The following UNC5D variants were observed in gnomAD, a reference collection of about 807,000 sequenced individuals.
UNC5D encodes netrin receptor UNC5D.
UNC5D carries 39 observed loss-of-function variants against 105.4 expected under a neutral mutation model. That is an observed-to-expected ratio of 0.37 (90% CI 0.29 to 0.48). The LOEUF is 0.48. UNC5D is among the 20% of genes least tolerant of loss of function. The pLI is 0.98. For synonymous variants in UNC5D, 452 were observed against 450.4 expected (o/e 1.00, Z -0.04); for missense variants, 991 against 1,202.4 (o/e 0.82, Z 2.60).
chr8:35,239,932 CT>C (rs1209465699), intron 1 of UNC5D, among the ~76,000 whole-genome samples: 1 of 146,880 alleles, frequency 6.8e-6, no homozygotes, highest in Non-Finnish European at 1.5e-5. Context: ...TCTCTTTTCT[CT>C]TTTCTTTTCT....
chr8:35,735,260 G>C (rs996402254), intron 11 of UNC5D, among the ~76,000 whole-genome samples: 9 of 135,106 alleles, frequency 6.7e-5, no homozygotes, highest in Middle Eastern at 5.2e-3. Context: ...CCCATGGTTG[G>C]AGAGGAGAGA....
intron 1 of UNC5D, among the ~76,000 whole-genome samples, chr8:35,267,187 T>C (rs900956884): frequency 6.6e-6 from 1 of 151,466 alleles, no homozygotes; most frequent in African/African-American, 2.4e-5. Context: ...ACTGATTGAG[T>C]AGTCATTTTG....
At chr8:35,648,834 C>A (rs1563629523) in intron 4 of UNC5D, among the ~76,000 whole-genome samples, 2 of 152,106 alleles carry the variant, frequency 1.3e-5, no homozygotes. Flanking sequence ...TGATCAATGG[C>A]ATTCATTACA....
intron 1 of UNC5D, among the ~76,000 whole-genome samples, chr8:35,355,041 C>T (rs1176244230): frequency 6.6e-6 from 1 of 152,124 alleles, no homozygotes; most frequent in African/African-American, 2.4e-5. Flanking sequence ...CTGCCAGTCT[C>T]TTTAGGACTT....
intron 1 of UNC5D, among the ~76,000 whole-genome samples, chr8:35,528,087 G>A (rs1336509193): frequency 1.5e-5 from 2 of 132,602 alleles, no homozygotes; most frequent in African/African-American, 5.8e-5. Context: ...GGGTACATGT[G>A]CACATTGTGC....
At chr8:35,504,292 A>G (rs1026118859) in intron 1 of UNC5D, among the ~76,000 whole-genome samples, 3 of 152,152 alleles carry the variant, frequency 2.0e-5, no homozygotes, top group African/African-American at 7.2e-5. Context: ...TGATCTTTGT[A>G]ATTTGAAAAA....
chr8:35,790,333 C>T (rs774896655), intron 16 of UNC5D, 26 bp from the exon 17 acceptor site: 3 of 1,607,692 alleles, frequency 1.9e-6, no homozygotes, highest in Non-Finnish European at 2.6e-6. Flanking sequence ...TCGTTTTGTT[C>T]TTTGTGTTTA....
At chr8:35,756,443 C>T (rs1249197019) in intron 13 of UNC5D, among the ~76,000 whole-genome samples, 2 of 151,382 alleles carry the variant, frequency 1.3e-5, no homozygotes, top group African/African-American at 4.9e-5. Context: ...ATATATAACT[C>T]TAGGGCAAAT....
chr8:35,726,047 T>C lies in UNC5D; in HGVS notation c.1304-105T>C. ...CTGAAGAGCTAGCTTGGATTGGAAC[T>C]GCTGGCACCTATGCAGGCTGTTGCG... On this transcript the variant is annotated intron_variant, in intron 9 of 16. Coordinates refer to ENST00000404895, the MANE Select transcript of UNC5D (RefSeq NM_080872.4). 3 of 1,447,684 alleles carry C rather than the reference T, an allele frequency of 2.1e-6. No individual in the cohort carries two copies. The South Asian group carries it at 4.2e-5, about 20-fold the overall frequency. 89.7% of individuals were successfully genotyped at this position (1,447,684 alleles called of 1,614,324 possible).
chr8:35,483,145 ATT>A (rs1244661194), intron 1 of UNC5D, among the ~76,000 whole-genome samples: 2 of 151,906 alleles, frequency 1.3e-5, no homozygotes, highest in Non-Finnish European at 2.9e-5. Context: ...TCTCACATGA[ATT>A]AGAGAGACTC....
At chr8:35,260,831 G>T (rs79283821) in intron 1 of UNC5D, among the ~76,000 whole-genome samples, 5,856 of 152,162 alleles carry the variant, frequency 0.038, 160 homozygotes, top group Non-Finnish European at 0.059. Flanking sequence ...TGTCTTTTTT[G>T]GGTATCCCAG....
chr8:35,539,914 G>A (rs952854169), intron 1 of UNC5D, among the ~76,000 whole-genome samples: 19 of 152,142 alleles, frequency 1.2e-4, no homozygotes, highest in African/African-American at 4.3e-4. Context: ...TGCTGTATTA[G>A]TGTGCAGAAC....
chr8:35,601,006 C>G (rs1819839572), intron 4 of UNC5D, among the ~76,000 whole-genome samples: 2 of 152,006 alleles, frequency 1.3e-5, no homozygotes. Flanking sequence ...CGAGTTTCAG[C>G]TTTCTACATA....
chr8:35,363,308 G>A (rs541336794), intron 1 of UNC5D, among the ~76,000 whole-genome samples: 190 of 152,172 alleles, frequency 1.2e-3, no homozygotes, highest in Non-Finnish European at 2.3e-3. Flanking sequence ...AGAATGAAGA[G>A]GACGAAAAAG....
chr8:35,549,834 G>A (rs1307376830), intron 2 of UNC5D, among the ~76,000 whole-genome samples: 1 of 152,040 alleles, frequency 6.6e-6, no homozygotes, highest in Non-Finnish European at 1.5e-5. Flanking sequence ...ATATTTTTGA[G>A]GACAAATATT....
chr8:35,726,344 C>G lies in UNC5D; in HGVS notation c.1496C>G (p.Ala499Gly). ...FMVSLGVSERAEYHGKNHSRT... is the reference protein window; with the variant it reads ...FMVSLGVSERGEYHGKNHSRT... ...GTTTCCCTGGGAGTGTCTGAGAGAGCTGAGTACCACGGCAAGAATCATTCC... is the reference window on the plus strand; with the variant it reads ...GTTTCCCTGGGAGTGTCTGAGAGAGGTGAGTACCACGGCAAGAATCATTCC... Residue 499 changes from alanine to glycine, a missense_variant, in exon 10 of 17, where the codon GCT becomes GGT. Transcript: ENST00000404895. 6.2e-7 allele frequency: 1 copy of G among 1,614,108 alleles called. No homozygotes were observed. The highest frequency in any genetic ancestry group is 1.1e-5 in the South Asian group (1 of 91,088).
intron 1 of UNC5D, among the ~76,000 whole-genome samples, chr8:35,366,367 C>T (rs1296464435): frequency 2.0e-5 from 3 of 152,028 alleles, no homozygotes; most frequent in Non-Finnish European, 1.5e-5. Context: ...GACACCTGCT[C>T]GCCCTCCACT....
Position 35,631,110 on chromosome 8 carries a change from C to T in UNC5D, c.570+35453C>T, listed in dbSNP as rs1213293220. On this transcript the variant is annotated intron_variant, in intron 4 of 16. Coordinates refer to ENST00000404895, the MANE Select transcript of UNC5D (RefSeq NM_080872.4). ...GGCAGATTGCCTGAGCTCAGGAGTTCGAGACGAGCCTGGGCAACACGGTGA... is the reference window on the plus strand; with the variant it reads ...GGCAGATTGCCTGAGCTCAGGAGTTTGAGACGAGCCTGGGCAACACGGTGA... Among the ~76,000 whole-genome samples the T allele has an allele frequency of 3.9e-5, 6 of 152,262 alleles. No individual in the cohort carries two copies. In the East Asian group the frequency reaches 5.8e-4, roughly 15 times the overall value.
chr8:35,436,312 A>G (rs1263973483), intron 1 of UNC5D, among the ~76,000 whole-genome samples: 1 of 152,106 alleles, frequency 6.6e-6, no homozygotes, highest in African/African-American at 2.4e-5. Flanking sequence ...AAGCTGTTTT[A>G]AATGTTTGAA....
Sources: allele counts gnomAD v4.1 joint callset (sites outside exome capture counted in the v4.1 genomes callset), GRCh38; gene constraint gnomAD v4.1.1; transcripts MANE v1.5; gene names NCBI Gene and HGNC (gene_info 2026-07-23, HGNC 2026-07-21).